The following DLG1 variants were observed in gnomAD, a reference collection of about 807,000 sequenced individuals.
DLG1 encodes disks large homolog 1.
DLG1 carries 42 observed loss-of-function variants against 123.4 expected under a neutral mutation model. The observed-to-expected ratio is 0.34, with a 90% CI of 0.27 to 0.44. DLG1 has a LOEUF of 0.44. DLG1 is among the 20% of genes least tolerant of loss of function. The pLI, the probability that DLG1 is intolerant of heterozygous loss-of-function variation, is 1.00. For missense variants in DLG1, 942 were observed against 1,082.6 expected (o/e 0.87, Z 1.82); for synonymous variants, 317 against 356.2 (o/e 0.89, Z 1.24).
intron 5 of DLG1, among the ~76,000 whole-genome samples, chr3:197,150,434 T>C (rs1793298040): frequency 5.9e-5 from 9 of 152,072 alleles, no homozygotes; most frequent in Admixed American, 5.9e-4. Context: ...AAAAAAATCT[T>C]GGTTTTCTGG....
Position 197,290,897 on chromosome 3 carries a change from TAAAAAAAAAAA to T in DLG1, c.151+5438_151+5448del, listed in dbSNP as rs34807556. Among the ~76,000 whole-genome samples the T allele has an allele frequency of 9.1e-5, 8 of 87,970 alleles. No homozygotes were observed. In the East Asian group the frequency reaches 2.5e-3, roughly 27 times the overall value. The allele number at this position is 87,970 out of a possible 152,430, so 57.7% of individuals were successfully genotyped here. A position where few individuals can be genotyped will look rare whatever the true frequency, so the allele number is the denominator to read the frequency against. On this transcript the variant is annotated intron_variant, in intron 3 of 24. Transcript: ENST00000667157. ...AGAGCAAGACCCTGTCTCCAAATAG[TAAAAAAAAAAA>T]AAAAAAAAAAAAAGTCAGTCTCACA...
intron 7 of DLG1, among the ~76,000 whole-genome samples, chr3:197,140,631 T>A (rs1218819165): frequency 6.6e-6 from 1 of 152,234 alleles, no homozygotes; most frequent in East Asian, 1.9e-4. Context: ...ACATCTCTCC[T>A]AAGAGACAAA....
Position 197,044,628 on chromosome 3 carries a change from G to T in DLG1, c.2677C>A (p.Leu893Ile). 6.2e-7 allele frequency: 1 copy of T among 1,600,288 alleles called. No individual in the cohort carries two copies. Among genetic ancestry groups the T allele is most frequent in the Non-Finnish European group, 8.5e-7 (1 of 1,170,612 alleles). ...AAACAGAGAAACATGAGTTTTCATA[G>T]CTTTTCTTTTGCCGGAACCCAGATG... is the stretch of plus-strand genomic sequence containing the variant. The part of the protein sequence containing the change: ...SYIWVPAKEK[L>I] Residue 893 changes from leucine to isoleucine, a missense_variant, in exon 25 of 25, where the codon CTA becomes ATA. Transcript: ENST00000667157.
At chr3:197,216,407 C>T (rs1326392461) in intron 4 of DLG1, among the ~76,000 whole-genome samples, 2 of 152,096 alleles carry the variant, frequency 1.3e-5, no homozygotes, top group Non-Finnish European at 1.5e-5. Flanking sequence ...TTTATTACGA[C>T]GAAAGGCTAC....
chr3:197,245,888 CT>C (rs753433108), intron 4 of DLG1, among the ~76,000 whole-genome samples: 3,806 of 63,174 alleles, frequency 0.06, 146 homozygotes, highest in Non-Finnish European at 0.082. Flanking sequence ...ATGGACAATA[CT>C]TTTTTTTTTT....
chr3:197,086,435 ATTC>A (rs1397464390), intron 15 of DLG1, among the ~76,000 whole-genome samples: 1 of 152,248 alleles, frequency 6.6e-6, no homozygotes, highest in Non-Finnish European at 1.5e-5. Context: ...AATAAATCAA[ATTC>A]TTAAGTCCAA....
At chr3:197,192,917 T>C (rs1191925011) in intron 5 of DLG1, among the ~76,000 whole-genome samples, 2 of 152,170 alleles carry the variant, frequency 1.3e-5, no homozygotes, top group Non-Finnish European at 2.9e-5. Flanking sequence ...ACATATGCTA[T>C]AGATATTAAA....
At chr3:197,061,768 C>T (rs537525926) in intron 22 of DLG1, among the ~76,000 whole-genome samples, 12 of 151,940 alleles carry the variant, frequency 7.9e-5, no homozygotes, top group Admixed American at 6.6e-4. Flanking sequence ...ATCTGGGAGG[C>T]GATATTATAT....
chr3:197,287,557 G>A (rs1160012485), intron 3 of DLG1, among the ~76,000 whole-genome samples: 2 of 151,184 alleles, frequency 1.3e-5, no homozygotes, highest in African/African-American at 2.5e-5. Flanking sequence ...CAAGTAACAC[G>A]GGAAGTTATT....
chr3:197,084,879 T>C (rs555665784), intron 16 of DLG1, among the ~76,000 whole-genome samples: 31 of 151,764 alleles, frequency 2.0e-4, no homozygotes, highest in African/African-American at 7.2e-4. Context: ...TTCGGCCTCC[T>C]GAGTTCAAGC....
chr3:197,200,673 T>C (rs1409528168), intron 4 of DLG1, among the ~76,000 whole-genome samples: 1 of 152,048 alleles, frequency 6.6e-6, no homozygotes, highest in African/African-American at 2.4e-5. Context: ...TAGTTCAACA[T>C]ACACAAATCA....
Position 197,140,277 on chromosome 3 carries a change from G to A in DLG1, c.589-13C>T. On this transcript the variant is annotated splice_polypyrimidine_tract_variant and intron_variant, in intron 7 of 24. Transcript: ENST00000667157. ...GCCCTGAATTTCCCTGAGGATAGAAGAAAAAAAATTGAGACTGAATATGAT... is the reference window on the plus strand; with the variant it reads ...GCCCTGAATTTCCCTGAGGATAGAAAAAAAAAAATTGAGACTGAATATGAT... 2 of 1,603,376 alleles carry A rather than the reference G, an allele frequency of 1.2e-6. No individual in the cohort carries two copies. The highest frequency in any genetic ancestry group is 1.7e-5 in the Admixed American group (1 of 57,698).
At chr3:197,283,374 G>T (rs1447920629) in intron 3 of DLG1, among the ~76,000 whole-genome samples, 1 of 152,020 alleles carries the variant, frequency 6.6e-6, no homozygotes, top group Admixed American at 6.6e-5. Flanking sequence ...AAAAAAAGAG[G>T]AAATTAAAAT....
chr3:197,154,339 C>T (rs1214997127), intron 5 of DLG1, among the ~76,000 whole-genome samples: 1 of 151,350 alleles, frequency 6.6e-6, no homozygotes, highest in Non-Finnish European at 1.5e-5. Context: ...AAAAAACCCA[C>T]AAAAACCTGA....
chr3:197,284,779 T>C (rs1191687116), intron 3 of DLG1, among the ~76,000 whole-genome samples: 1 of 152,224 alleles, frequency 6.6e-6, no homozygotes, highest in Admixed American at 6.5e-5. Flanking sequence ...GACTCACAAC[T>C]GAAAACATTA....
intron 23 of DLG1, among the ~76,000 whole-genome samples, chr3:197,058,741 C>A (rs1462527481): frequency 6.6e-6 from 1 of 152,144 alleles, no homozygotes. Context: ...TTATTCCATA[C>A]CTTCACTGAT....
intron 4 of DLG1, among the ~76,000 whole-genome samples, chr3:197,204,550 C>CTA (rs1727539707): frequency 6.6e-6 from 1 of 152,164 alleles, no homozygotes; most frequent in South Asian, 2.1e-4. Context: ...TACAATTAAA[C>CTA]TATTGCCTGT....
At chr3:197,289,849 G>C (rs555348980) in intron 3 of DLG1, among the ~76,000 whole-genome samples, 3 of 152,206 alleles carry the variant, frequency 2.0e-5, no homozygotes, top group Non-Finnish European at 2.9e-5. Context: ...AAGATGTCAA[G>C]CTAGTAGGCA....
Position 197,080,941 on chromosome 3 carries a change from A to C in DLG1, c.1905+110T>G, listed in dbSNP as rs1380190343. On this transcript the variant is annotated intron_variant, in intron 17 of 24. Coordinates refer to ENST00000667157, the MANE Select transcript of DLG1 (RefSeq NM_001366207.1). Reference sequence around the variant, plus strand: ...AATGCTTAAGTATCTACCATTGTAAAGCACCATGGCAAGAACTGATCATGA... The same window carrying C: ...AATGCTTAAGTATCTACCATTGTAACGCACCATGGCAAGAACTGATCATGA... 8.4e-6 allele frequency: 8 copies of C among 950,664 alleles called. No individual in the cohort carries two copies. In the Admixed American group the frequency reaches 1.6e-4, roughly 19 times the overall value. 58.9% of individuals were successfully genotyped at this position (950,664 alleles called of 1,614,324 possible). A position where few individuals can be genotyped will look rare whatever the true frequency, so the allele number is the denominator to read the frequency against.
Sources: gnomAD v4.1 joint callset for allele counts (sites outside exome capture counted in the v4.1 genomes callset) on GRCh38, gnomAD v4.1.1 for gene constraint, MANE v1.5 for transcripts, NCBI Gene and HGNC (gene_info 2026-07-23, HGNC 2026-07-21) for gene names.